Variants in RGS3 observed in about 807,000 individuals in gnomAD.
RGS3 encodes the protein regulator of G protein signaling 3, also known as regulator of G-protein signalling 3.
A neutral mutation model predicts 132.6 loss-of-function variants in RGS3; 80 were observed. That is an observed-to-expected ratio of 0.60 (90% confidence interval 0.50 to 0.73). RGS3 has a LOEUF of 0.73. Ranked by LOEUF, RGS3 falls within the 30% of genes least tolerant of loss-of-function variation. The probability of loss-of-function intolerance (pLI) is 0.00; values close to 1 mark genes in which losing one functional copy is unlikely to be tolerated. For synonymous variants in RGS3, 598 were observed against 620.6 expected, an observed-to-expected ratio of 0.96 and a Z score of 0.54; for missense variants, 1,382 against 1,530.8, an observed-to-expected ratio of 0.90 and a Z score of 1.62.
intron 1 of RGS3, among the ~76,000 whole-genome samples, chr9:113,454,049 A>C (rs1297635053): frequency 1.3e-5 from 2 of 151,962 alleles, no homozygotes; most frequent in Non-Finnish European, 2.9e-5. Context: ...CCTGGCCTCA[A>C]GCCATCCTCC....
At chr9:113,536,804 G>T (rs752019247) in exon 19 of RGS3, 10 of 1,613,920 alleles carry the variant, frequency 6.2e-6, no homozygotes, top group Non-Finnish European at 8.5e-6. Flanking sequence ...AGAAGGCAGA[G>T]TGCTTATTCA....
intron 18 of RGS3, among the ~76,000 whole-genome samples, chr9:113,535,331 G>A (rs1179324434): frequency 8.5e-5 from 13 of 152,072 alleles, no homozygotes; most frequent in African/African-American, 1.4e-4. Flanking sequence ...ATGCCACCAC[G>A]CTGGCTAATT....
intron 7 of RGS3, among the ~76,000 whole-genome samples, chr9:113,491,589 C>G (rs115477049): frequency 6.6e-6 from 1 of 151,434 alleles, no homozygotes; most frequent in Non-Finnish European, 1.5e-5. Flanking sequence ...AAGTCTCTCT[C>G]TGTTACCCAG....
chr9:113,566,086 G>C (rs953081458), intron 19 of RGS3, among the ~76,000 whole-genome samples: 3 of 152,196 alleles, frequency 2.0e-5, no homozygotes, highest in African/African-American at 7.2e-5. Flanking sequence ...GGAGCGCTCA[G>C]CCAGCAGGGT....
intron 19 of RGS3, among the ~76,000 whole-genome samples, chr9:113,571,477 G>A (rs1031422551): frequency 3.9e-4 from 59 of 152,146 alleles, no homozygotes; most frequent in African/African-American, 1.4e-3. Context: ...TGGTGAGGTC[G>A]AGTCCCTTTT....
chr9:113,593,833 G>A, intron 21 of RGS3: 1 of 1,327,050 alleles, frequency 7.5e-7, no homozygotes, highest in South Asian at 1.4e-5. Flanking sequence ...CACCCCGGTG[G>A]TGGGCAGTGC....
rs758486809 is a variant in RGS3 at position 113,591,362 on chromosome 9, T to C, written c.3045T>C (p.Asp1015=). The C allele has an allele frequency of 6.2e-7, 1 of 1,613,700 alleles. No individual in the cohort carries two copies. The highest frequency in any genetic ancestry group is 8.5e-7 in the Non-Finnish European group (1 of 1,179,956). ...GCGGGGCTGACACCGTTGGGGATGA[T>C]GACGAAGCCTCCCGGAAGAGAAAGA... Residue 1015 remains aspartate (D), a synonymous_variant, in exon 21 of 25, where the codon GAT becomes GAC. Coordinates refer to ENST00000350696, the Ensembl canonical transcript of RGS3. The surrounding 1 kb of genome is among the most constrained non-coding windows in gnomAD (Gnocchi z 4.4).
At chr9:113,450,430 A>C (rs1203184164) in intron 1 of RGS3, among the ~76,000 whole-genome samples, 1 of 152,218 alleles carries the variant, frequency 6.6e-6, no homozygotes, top group African/African-American at 2.4e-5. Flanking sequence ...AGATACTAAG[A>C]AAACACGTCA....
At chr9:113,588,888 C>T (rs1262507383) in intron 20 of RGS3, among the ~76,000 whole-genome samples, 1 of 152,198 alleles carries the variant, frequency 6.6e-6, no homozygotes, top group African/African-American at 2.4e-5. Context: ...GGTCAATGAG[C>T]TAATAAATGA....
chr9:113,572,569 T>C (rs1311007093), intron 19 of RGS3, among the ~76,000 whole-genome samples: 2 of 152,108 alleles, frequency 1.3e-5, no homozygotes, highest in Non-Finnish European at 2.9e-5. Context: ...CTGCAGGCCC[T>C]GAAGGAGGAG....
intron 9 of RGS3, among the ~76,000 whole-genome samples, chr9:113,497,683 C>T (rs1452593612): frequency 6.6e-6 from 1 of 152,132 alleles, no homozygotes; most frequent in Admixed American, 6.5e-5. Flanking sequence ...TTATGCTTCC[C>T]CAGTGGCCCC....
intron 19 of RGS3, among the ~76,000 whole-genome samples, chr9:113,569,046 G>C (rs967367576): frequency 2.6e-5 from 4 of 152,226 alleles, no homozygotes; most frequent in African/African-American, 9.7e-5. Flanking sequence ...GTATGCTCCA[G>C]ATGGCCCAGG....
rs924415770 is a variant in RGS3 at position 113,565,088 on chromosome 9, C to T, written c.2038-18362C>T. On this transcript the variant is annotated intron_variant, in intron 19 of 24. Coordinates refer to ENST00000350696, the Ensembl canonical transcript of RGS3. The surrounding 1 kb of genome is among the most constrained non-coding windows in gnomAD (Gnocchi z 5.7). Reference sequence around the variant, plus strand: ...AGGGGGTGCCGTTGTGAGGGATGGACGCCTCTCCCCCGGAGCAGCACTTTG... The same window carrying T: ...AGGGGGTGCCGTTGTGAGGGATGGATGCCTCTCCCCCGGAGCAGCACTTTG... 22 of 1,157,450 alleles carry T rather than the reference C, an allele frequency of 1.9e-5. No individual in the cohort carries two copies. The highest frequency in any genetic ancestry group is 9.7e-5 in the African/African-American group (6 of 61,570). 71.7% of individuals were successfully genotyped at this position (1,157,450 alleles called of 1,614,324 possible). A position where few individuals can be genotyped will look rare whatever the true frequency, so the allele number is the denominator to read the frequency against.
intron 19 of RGS3, among the ~76,000 whole-genome samples, chr9:113,568,644 G>C (rs1203992196): frequency 1.3e-5 from 2 of 152,268 alleles, no homozygotes; most frequent in African/African-American, 4.8e-5. Flanking sequence ...GCAAGCTGCA[G>C]CCCAAGCCGA....
rs1052656884 is a variant in RGS3 at position 113,594,620 on chromosome 9, G to T, written c.3182+89G>T. The T allele has an allele frequency of 2.8e-6, 3 of 1,087,012 alleles. No individual in the cohort carries two copies. In the Admixed American group the frequency reaches 6.6e-5, roughly 24 times the overall value. The allele number at this position is 1,087,012 out of a possible 1,614,324, so 67.3% of individuals were successfully genotyped here. A position where few individuals can be genotyped will look rare whatever the true frequency, so the allele number is the denominator to read the frequency against. On this transcript the variant is annotated intron_variant, in intron 22 of 24. Transcript: ENST00000350696. ...TGAGTGGTAGGGTTGAGGGGAAGGG[G>T]CTTGCCGGCTTGATCCAGCTCTGGG... is the stretch of plus-strand genomic sequence containing the variant.
At chr9:113,517,404 C>A in intron 15 of RGS3, 137 bp from the exon 14 acceptor site, 1 of 729,184 alleles carries the variant, frequency 1.4e-6, no homozygotes, top group South Asian at 1.5e-5. Context: ...TGTGGGTTCT[C>A]GGGTCGGTGG....
chr9:113,452,250 A>C (rs999607047), intron 1 of RGS3, among the ~76,000 whole-genome samples: 1 of 151,988 alleles, frequency 6.6e-6, no homozygotes, highest in African/African-American at 2.4e-5. Flanking sequence ...CCATCCCTTC[A>C]CCTCGGCCTC....
intron 17 of RGS3, among the ~76,000 whole-genome samples, chr9:113,523,260 G>T (rs1014064729): frequency 1.3e-5 from 2 of 152,250 alleles, no homozygotes; most frequent in South Asian, 4.1e-4. Flanking sequence ...TTCTATTCTA[G>T]AGACTTTCCA....
At chr9:113,447,790 T>C (rs1478053929) in intron 1 of RGS3, among the ~76,000 whole-genome samples, 1 of 151,950 alleles carries the variant, frequency 6.6e-6, no homozygotes. Flanking sequence ...CTTTTTCTGC[T>C]ATTACCCTAG....
Sources: allele counts gnomAD v4.1 joint callset (sites outside exome capture counted in the v4.1 genomes callset), GRCh38; gene constraint gnomAD v4.1.1; non-coding constraint Gnocchi (gnomAD v3.1); transcripts MANE v1.5; gene names NCBI Gene and HGNC (gene_info 2026-07-23, HGNC 2026-07-21).